The following TMEM62 variants were observed in gnomAD, a reference collection of about 807,000 sequenced individuals.
The protein encoded by TMEM62 is transmembrane protein 62.
Under a neutral mutation model 70.4 loss-of-function variants are expected in TMEM62, and 41 were observed. The ratio of observed to expected loss-of-function variants is 0.58; its 90% confidence interval spans 0.45 to 0.76. The LOEUF (loss-of-function observed/expected upper bound fraction) is 0.76. Ranked by LOEUF, TMEM62 falls within the 30% of genes least tolerant of loss-of-function variation. The probability of loss-of-function intolerance (pLI) is 0.00; values close to 1 mark genes in which losing one functional copy is unlikely to be tolerated. For missense variants in TMEM62, 688 were observed against 788.5 expected (o/e 0.87, Z 1.53); for synonymous variants, 268 against 291.0 (o/e 0.92, Z 0.80).
Position 43,133,791 on chromosome 15 carries a change from C to G in TMEM62, c.-12C>G. ...GGGATCAGCGAGGGCCGCGCCCCGGCGGGCGGGCGGCATGGCTGCAGTGCT... is the reference window on the plus strand; with the variant it reads ...GGGATCAGCGAGGGCCGCGCCCCGGGGGGCGGGCGGCATGGCTGCAGTGCT... On this transcript the variant is annotated 5_prime_UTR_variant, in exon 1 of 14. Transcript: ENST00000260403. The G allele has an allele frequency of 7.4e-7, 1 of 1,353,900 alleles. No homozygotes were observed. The highest frequency in any genetic ancestry group is 9.4e-7 in the Non-Finnish European group (1 of 1,062,098). 83.9% of individuals were successfully genotyped at this position (1,353,900 alleles called of 1,614,324 possible).
At chr15:43,135,436 G>T in intron 2 of TMEM62, 76 bp from the exon 3 acceptor site, 1 of 1,448,830 alleles carries the variant, frequency 6.9e-7, no homozygotes. Flanking sequence ...TGTTCCTTCA[G>T]TGTACATATC....
chr15:43,134,124 G>T, intron 1 of TMEM62, 133 bp from the exon 2 acceptor site: 1 of 1,447,406 alleles, frequency 6.9e-7, no homozygotes, highest in Non-Finnish European at 9.2e-7. Flanking sequence ...TGCTGGCCCT[G>T]TCCTTACCTG....
chr15:43,134,976 A>C (rs2035011759), intron 2 of TMEM62, among the ~76,000 whole-genome samples: 1 of 152,230 alleles, frequency 6.6e-6, no homozygotes, highest in Non-Finnish European at 1.5e-5. Context: ...ATCTCTGCTG[A>C]CATGAAAGGG....
chr15:43,171,769 AG>A (rs1241811007), intron 11 of TMEM62, among the ~76,000 whole-genome samples: 6 of 151,592 alleles, frequency 4.0e-5, no homozygotes, highest in Non-Finnish European at 7.4e-5. Flanking sequence ...ATGGGACTAC[AG>A]GCGCCCACCA....
At chr15:43,143,553 A>G (rs1335728699) in intron 4 of TMEM62, among the ~76,000 whole-genome samples, 1 of 152,200 alleles carries the variant, frequency 6.6e-6, no homozygotes, top group Non-Finnish European at 1.5e-5. Flanking sequence ...TCATTGATAC[A>G]TAGGAAAAGT....
At chr15:43,144,138 C>A (rs2036394727) in intron 4 of TMEM62, among the ~76,000 whole-genome samples, 1 of 152,136 alleles carries the variant, frequency 6.6e-6, no homozygotes, top group Admixed American at 6.6e-5. Context: ...AAAAGTGTGT[C>A]CAATCTTAAA....
chr15:43,178,739 A>G, intron 12 of TMEM62, 28 bp downstream of exon 12: 1 of 1,407,102 alleles, frequency 7.1e-7, no homozygotes. Flanking sequence ...GATTATGGGG[A>G]ATTTTGCCAA....
At chr15:43,174,307 G>A (rs2040513737) in intron 11 of TMEM62, among the ~76,000 whole-genome samples, 1 of 152,122 alleles carries the variant, frequency 6.6e-6, no homozygotes, top group African/African-American at 2.4e-5. Flanking sequence ...CTGGGATTAA[G>A]GACTGATGAT....
At chr15:43,178,090 G>A (rs1402696917) in intron 11 of TMEM62, among the ~76,000 whole-genome samples, 1 of 150,748 alleles carries the variant, frequency 6.6e-6, no homozygotes, top group Non-Finnish European at 1.5e-5. Flanking sequence ...AAGATATTTT[G>A]ATATTTCTTT....
chr15:43,146,343 A>C (rs776971969), intron 4 of TMEM62, 150 bp from the exon 5 acceptor site: 35 of 669,346 alleles, frequency 5.2e-5, no homozygotes, highest in Non-Finnish European at 7.6e-5. Context: ...AAATTTCATC[A>C]GTTTATCCAT....
intron 13 of TMEM62, chr15:43,183,964 C>T (rs953983949): frequency 2.5e-6 from 1 of 397,266 alleles, no homozygotes; most frequent in Non-Finnish European, 4.5e-6. Context: ...TATACATTTA[C>T]TCAGTTCAAT....
In TMEM62 at chr15:43,151,770, T is replaced by C; in HGVS notation, c.867-20T>C. On this transcript the variant is annotated intron_variant, in intron 7 of 13. Coordinates refer to ENST00000260403, the MANE Select transcript of TMEM62 (RefSeq NM_024956.4). ...ACAATGTGAAGTGACTAAATTACCT[T>C]ATCATTATCTGGTCTTTAGGTACCG... The C allele has an allele frequency of 6.2e-7, 1 of 1,609,506 alleles. No homozygotes were observed. Among genetic ancestry groups the C allele is most frequent in the East Asian group, 2.2e-5 (1 of 44,772 alleles).
At chr15:43,174,548 T>C (rs1387159844) in intron 11 of TMEM62, among the ~76,000 whole-genome samples, 1 of 152,224 alleles carries the variant, frequency 6.6e-6, no homozygotes, top group Admixed American at 6.5e-5. Flanking sequence ...TATAGTTATT[T>C]AAATTTGAAA....
intron 8 of TMEM62, among the ~76,000 whole-genome samples, chr15:43,153,173 A>C (rs2037609155): frequency 6.6e-6 from 1 of 152,184 alleles, no homozygotes. Flanking sequence ...AGGTGAAAGA[A>C]TTTGAATTCT....
intron 10 of TMEM62, among the ~76,000 whole-genome samples, chr15:43,167,682 G>C (rs947727470): frequency 7.2e-5 from 11 of 152,112 alleles, no homozygotes; most frequent in African/African-American, 2.4e-4. Context: ...CCAGACGATG[G>C]GCGGCCAGGC....
chr15:43,137,874 GC>G (rs1403156591), intron 3 of TMEM62, among the ~76,000 whole-genome samples: 3 of 152,180 alleles, frequency 2.0e-5, no homozygotes, highest in African/African-American at 7.2e-5. Flanking sequence ...CATCTGCAAC[GC>G]CTCATAGGCT....
chr15:43,180,337 G>T (rs2041210939), intron 12 of TMEM62, among the ~76,000 whole-genome samples: 1 of 152,170 alleles, frequency 6.6e-6, no homozygotes, highest in Non-Finnish European at 1.5e-5. Context: ...TGGCCAGGCT[G>T]GTCTTGAACT....
intron 10 of TMEM62, among the ~76,000 whole-genome samples, chr15:43,162,929 T>A (rs1354764272): frequency 6.6e-6 from 1 of 151,746 alleles, no homozygotes; most frequent in Non-Finnish European, 1.5e-5. Flanking sequence ...TTTATATACA[T>A]AATTACATAA....
chr15:43,166,599 G>A (rs1216931257), intron 10 of TMEM62, among the ~76,000 whole-genome samples: 1 of 148,148 alleles, frequency 6.8e-6, no homozygotes, highest in Non-Finnish European at 1.5e-5. Flanking sequence ...GGTGTTTCTC[G>A]CAGAGGGGGA....
Sources: gnomAD v4.1 joint callset for allele counts (sites outside exome capture counted in the v4.1 genomes callset) on GRCh38, gnomAD v4.1.1 for gene constraint, MANE v1.5 for transcripts, NCBI Gene and HGNC (gene_info 2026-07-23, HGNC 2026-07-21) for gene names.